The following CFAP20DC variants were observed in gnomAD, a reference collection of about 807,000 sequenced individuals.
The protein encoded by CFAP20DC is protein CFAP20DC.
CFAP20DC carries 84 observed loss-of-function variants against 101.7 expected under a neutral mutation model. The observed-to-expected ratio is 0.83, with a 90% CI of 0.69 to 0.99. CFAP20DC has a LOEUF of 0.99. CFAP20DC is among the 50% of genes least tolerant of loss of function. The probability of loss-of-function intolerance (pLI) is 0.00; values close to 1 mark genes in which losing one functional copy is unlikely to be tolerated. For missense variants in CFAP20DC, 1,007 were observed against 970.3 expected, an observed-to-expected ratio of 1.04 and a Z score of -0.50; for synonymous variants, 359 against 351.2, an observed-to-expected ratio of 1.02 and a Z score of -0.25.
At chr3:58,960,778 G>A (rs977890604) in intron 4 of CFAP20DC, among the ~76,000 whole-genome samples, 1 of 151,758 alleles carries the variant, frequency 6.6e-6, no homozygotes, top group Non-Finnish European at 1.5e-5. Context: ...TATTTTTCTT[G>A]TCTTATTTCA....
chr3:58,750,801 T>C (rs2068512475), intron 16 of CFAP20DC, among the ~76,000 whole-genome samples: 1 of 152,208 alleles, frequency 6.6e-6, no homozygotes, highest in Admixed American at 6.5e-5. Context: ...CTTCCATACA[T>C]GAGGAATCCA....
In CFAP20DC at chr3:58,863,286, G is replaced by C; in HGVS notation, c.1593+272C>G. The C allele has an allele frequency of 7.1e-7, 1 of 1,407,416 alleles. No homozygotes were observed. The highest frequency in any genetic ancestry group is 9.2e-7 in the Non-Finnish European group (1 of 1,089,724). The allele number at this position is 1,407,416 out of a possible 1,614,324, so 87.2% of individuals were successfully genotyped here. On this transcript the variant is annotated intron_variant, in intron 12 of 16. Transcript: ENST00000482387. This position sits in a 1 kb window ranked among gnomAD's most constrained non-coding sequence, Gnocchi z 5.9. ...TAAACTGCATATCGTTTCTCATCCT[G>C]TGATTCAAAGATTAAAATGAAAAAA...
At chr3:58,963,609 A>G (rs1302684342) in intron 4 of CFAP20DC, among the ~76,000 whole-genome samples, 1 of 152,138 alleles carries the variant, frequency 6.6e-6, no homozygotes, top group East Asian at 1.9e-4. Context: ...TCAAAATAAG[A>G]ACCACTGTTT....
At chr3:58,760,060 A>C (rs2069395461) in intron 15 of CFAP20DC, among the ~76,000 whole-genome samples, 1 of 152,164 alleles carries the variant, frequency 6.6e-6, no homozygotes, top group Non-Finnish European at 1.5e-5. Flanking sequence ...AGTTCTTTCC[A>C]ATTCTGTGAA....
chr3:58,882,499 T>C lies in CFAP20DC; in HGVS notation c.715+2046A>G, dbSNP rs573753679. Among the ~76,000 whole-genome samples the C allele has an allele frequency of 6.6e-5, 10 of 152,306 alleles. No homozygotes were observed. In the East Asian group the frequency reaches 7.7e-4, roughly 12 times the overall value. On this transcript the variant is annotated intron_variant, in intron 7 of 16. Coordinates refer to ENST00000482387, the MANE Select transcript of CFAP20DC (RefSeq NM_001394063.1). This position sits in a 1 kb window ranked among gnomAD's most constrained non-coding sequence, Gnocchi z 4.2. ...GCAAACAATTATCTGATATGCTTTATAGTTTAGCATTCGTTATTGAAAGTT... is the reference window on the plus strand; with the variant it reads ...GCAAACAATTATCTGATATGCTTTACAGTTTAGCATTCGTTATTGAAAGTT...
At position 58,721,762 on chromosome 3, in the gene CFAP20DC, C is replaced by T. The variant is rs1270227408; in HGVS notation, c.198-4134G>A. ...AAGGGATTTTCCCAGAGATTTCTGC[C>T]CTGGGATCTCTATTCTTTTCTCAAC... On this transcript the variant is annotated intron_variant, in intron 3 of 3. Transcript: ENST00000486145. This position sits in a 1 kb window ranked among gnomAD's most constrained non-coding sequence, Gnocchi z 5.2. Among the ~76,000 whole-genome samples, 1 of 152,160 alleles carries T rather than the reference C, an allele frequency of 6.6e-6. No homozygotes were observed. Among genetic ancestry groups the T allele is most frequent in the Non-Finnish European group, 1.5e-5 (1 of 68,040 alleles).
intron 13 of CFAP20DC, among the ~76,000 whole-genome samples, chr3:58,832,661 G>C (rs1441393905): frequency 6.6e-6 from 1 of 152,112 alleles, no homozygotes; most frequent in African/African-American, 2.4e-5. Context: ...AGATCTCATA[G>C]CTCCAACCAA....
intron 14 of CFAP20DC, among the ~76,000 whole-genome samples, chr3:58,814,711 C>G (rs795412): frequency 6.6e-6 from 1 of 150,604 alleles, no homozygotes; most frequent in Non-Finnish European, 1.5e-5. Flanking sequence ...GATACACCAA[C>G]AACAGACAAA....
chr3:58,760,797 T>C (rs896519706), intron 15 of CFAP20DC, among the ~76,000 whole-genome samples: 1 of 152,162 alleles, frequency 6.6e-6, no homozygotes, highest in African/African-American at 2.4e-5. Context: ...GATAATCATG[T>C]GGTTTTTGTC....
In CFAP20DC at chr3:58,795,427, C is replaced by A. The variant is rs2073167993; in HGVS notation, c.2237+10968G>T. On this transcript the variant is annotated intron_variant, in intron 15 of 16. Coordinates refer to ENST00000482387, the MANE Select transcript of CFAP20DC (RefSeq NM_001394063.1). The surrounding 1 kb of genome is among the most constrained non-coding windows in gnomAD (Gnocchi z 4.2). ...CAAGGTGGAGGGACGGTTGCTTGAG[C>A]CCAGGAGTACGAGACCAGCTTGGGC... 6.6e-6 allele frequency among the ~76,000 whole-genome samples: 1 copy of A among 152,082 alleles called. No individual in the cohort carries two copies. Among genetic ancestry groups the A allele is most frequent in the Non-Finnish European group, 1.5e-5 (1 of 68,018 alleles).
intron 4 of CFAP20DC, among the ~76,000 whole-genome samples, chr3:59,011,264 G>T (rs1228768401): frequency 1.3e-5 from 2 of 152,066 alleles, no homozygotes; most frequent in Non-Finnish European, 2.9e-5. Context: ...TGGGCATAGT[G>T]GTGCATACCT....
chr3:58,939,759 A>ATTTTTTTTTT, intron 4 of CFAP20DC, among the ~76,000 whole-genome samples: 1 of 91,924 alleles, frequency 1.1e-5, no homozygotes, highest in Non-Finnish European at 2.1e-5. Context: ...TGCCCGGCCC[A>ATTTTTTTTTT]TTTTTTTTTT....
Position 58,845,923 on chromosome 3 carries a change from T to A in CFAP20DC, c.1971+3109A>T, listed in dbSNP as rs762642989. ...GCCAAAGACAAAAACCACATGATTATCTCAATAGATGCAGAAAAAGCCTTT... is the reference window on the plus strand; with the variant it reads ...GCCAAAGACAAAAACCACATGATTAACTCAATAGATGCAGAAAAAGCCTTT... On this transcript the variant is annotated intron_variant, in intron 13 of 16. Coordinates refer to ENST00000482387, the MANE Select transcript of CFAP20DC (RefSeq NM_001394063.1). Among the ~76,000 whole-genome samples, 426 of 150,700 alleles carry A rather than the reference T, an allele frequency of 2.8e-3. 1 individual carries two copies. Among genetic ancestry groups the A allele is most frequent in the Non-Finnish European group, 5.0e-3 (338 of 67,642 alleles).
chr3:58,924,734 A>T (rs1456202444), intron 5 of CFAP20DC, among the ~76,000 whole-genome samples: 1 of 152,110 alleles, frequency 6.6e-6, no homozygotes, highest in African/African-American at 2.4e-5. Flanking sequence ...CCTCACCAAC[A>T]TCTGTTGTTT....
rs2082786042 is a variant in CFAP20DC, at chr3:58,897,735, G to C, written c.551-13026C>G. ...ATCTCTTCTGGCTTGTAGGGTTTCTGCTGGGAGTTCTGCTGCTAGTCTGAT... is the reference window on the plus strand; with the variant it reads ...ATCTCTTCTGGCTTGTAGGGTTTCTCCTGGGAGTTCTGCTGCTAGTCTGAT... On this transcript the variant is annotated intron_variant, in intron 6 of 16. Transcript: ENST00000482387. The surrounding 1 kb of genome is among the most constrained non-coding windows in gnomAD (Gnocchi z 4.4). Among the ~76,000 whole-genome samples, 1 of 152,206 alleles carries C rather than the reference G, an allele frequency of 6.6e-6. No individual in the cohort carries two copies. Among genetic ancestry groups the C allele is most frequent in the Non-Finnish European group, 1.5e-5 (1 of 68,040 alleles).
intron 15 of CFAP20DC, among the ~76,000 whole-genome samples, chr3:58,765,503 A>AC (rs1032411767): frequency 6.6e-6 from 1 of 150,936 alleles, no homozygotes; most frequent in African/African-American, 2.4e-5. Flanking sequence ...AAAAAAAAAA[A>AC]AAAACAAACA....
intron 15 of CFAP20DC, among the ~76,000 whole-genome samples, chr3:58,754,690 CT>C (rs758011592): frequency 1.3e-5 from 2 of 152,244 alleles, no homozygotes; most frequent in Non-Finnish European, 2.9e-5. Flanking sequence ...TAATTTCTTT[CT>C]AAATTTCTGT....
rs970284778 is a variant in CFAP20DC, at chr3:58,742,667, G to T, written c.2333-95C>A. The T allele has an allele frequency of 1.9e-5, 15 of 798,368 alleles. No homozygotes were observed. The Admixed American group carries it at 3.1e-4, about 16-fold the overall frequency. 49.5% of individuals were successfully genotyped at this position (798,368 alleles called of 1,614,324 possible). On this transcript the variant is annotated intron_variant, in intron 16 of 16. Transcript: ENST00000482387. The stretch of plus-strand genomic sequence containing the variant: ...AAGCAGGAATCACCATCTCTCCTGG[G>T]GGATTTTCTTTATGCAGGTAGAAGG...
At chr3:58,948,951 T>C (rs572146460) in intron 4 of CFAP20DC, among the ~76,000 whole-genome samples, 208 of 152,318 alleles carry the variant, frequency 1.4e-3, no homozygotes, top group African/African-American at 4.7e-3. Flanking sequence ...CTATTAATTA[T>C]TGCCTCAATT....
Sources: gnomAD v4.1 joint callset for allele counts (sites outside exome capture counted in the v4.1 genomes callset) on GRCh38, gnomAD v4.1.1 for gene constraint, Gnocchi (gnomAD v3.1) non-coding constraint, MANE v1.5 for transcripts, NCBI Gene and HGNC (gene_info 2026-07-23, HGNC 2026-07-21) for gene names.